Variants in RCAN2 observed in about 807,000 individuals in gnomAD.
RCAN2 encodes the protein calcipressin-2.
A neutral mutation model predicts 23.6 loss-of-function variants in RCAN2; 9 were observed. The ratio of observed to expected loss-of-function variants is 0.38; its 90% confidence interval spans 0.23 to 0.67. The LOEUF (loss-of-function observed/expected upper bound fraction) is 0.67. RCAN2 is among the 30% of genes least tolerant of loss of function. The pLI is 0.51. For missense variants in RCAN2, 273 were observed against 302.3 expected, an observed-to-expected ratio of 0.90 and a Z score of 0.72; for synonymous variants, 109 against 115.7, an observed-to-expected ratio of 0.94 and a Z score of 0.37.
chr6:46,461,393 A>G (rs1768199537), intron 1 of RCAN2, among the ~76,000 whole-genome samples: 1 of 152,120 alleles, frequency 6.6e-6, no homozygotes, highest in Non-Finnish European at 1.5e-5. Flanking sequence ...CCATCACCTT[A>G]TGCATGTGGA....
At chr6:46,367,195 G>C (rs1180393217) in intron 2 of RCAN2, among the ~76,000 whole-genome samples, 1 of 151,284 alleles carries the variant, frequency 6.6e-6, no homozygotes, top group Non-Finnish European at 1.5e-5. Context: ...TTGGCTTAAG[G>C]GTGGCTTAAG....
In RCAN2 at chr6:46,221,915, A is replaced by G. The variant is rs1057101; in HGVS notation, c.*1226T>C. On this transcript the variant is annotated 3_prime_UTR_variant, in exon 5 of 5. Coordinates refer to ENST00000371374, the MANE Select transcript of RCAN2 (RefSeq NM_001251974.2). Reference sequence around the variant, plus strand: ...GAAAAATCACACGTAACAAAAACAAATAACTTTTTTGAGCACACGGGTGTC... The same window carrying G: ...GAAAAATCACACGTAACAAAAACAAGTAACTTTTTTGAGCACACGGGTGTC... 2.5e-6 allele frequency: 1 copy of G among 398,530 alleles called. No homozygotes were observed. Among genetic ancestry groups the G allele is most frequent in the Non-Finnish European group, 4.4e-6 (1 of 225,978 alleles). 24.7% of individuals were successfully genotyped at this position (398,530 alleles called of 1,614,324 possible). A position where few individuals can be genotyped will look rare whatever the true frequency, so the allele number is the denominator to read the frequency against.
chr6:46,287,969 T>C (rs1036545313), intron 2 of RCAN2, among the ~76,000 whole-genome samples: 103 of 152,352 alleles, frequency 6.8e-4, no homozygotes, highest in African/African-American at 2.4e-3. Flanking sequence ...CCGAGGATAT[T>C]AATGTCTATC....
intron 1 of RCAN2, among the ~76,000 whole-genome samples, chr6:46,482,169 C>G (rs1366056897): frequency 6.6e-6 from 1 of 151,872 alleles, no homozygotes; most frequent in African/African-American, 2.4e-5. Context: ...GATAAAGAAC[C>G]AAGGTTAGAT....
chr6:46,471,108 A>T (rs902057483), intron 1 of RCAN2, among the ~76,000 whole-genome samples: 2 of 152,180 alleles, frequency 1.3e-5, no homozygotes, highest in Admixed American at 6.5e-5. Flanking sequence ...AGGAAGAGAG[A>T]GTGTACAAGA....
chr6:46,284,106 T>C (rs9381438), intron 2 of RCAN2, among the ~76,000 whole-genome samples: 16,863 of 152,186 alleles, frequency 0.11, 1,198 homozygotes, highest in East Asian at 0.2. Context: ...TTTTAATAAA[T>C]GAGAAATAGC....
chr6:46,344,808 G>A (rs1764433531), intron 2 of RCAN2, among the ~76,000 whole-genome samples: 1 of 151,498 alleles, frequency 6.6e-6, no homozygotes, highest in Non-Finnish European at 1.5e-5. Flanking sequence ...AGGAATATAG[G>A]CCAGATAGAA....
chr6:46,262,988 G>A (rs973795143), intron 2 of RCAN2, among the ~76,000 whole-genome samples: 2 of 152,194 alleles, frequency 1.3e-5, no homozygotes, highest in African/African-American at 2.4e-5. Flanking sequence ...TCCCATAACA[G>A]TGTTGTTAGT....
chr6:46,418,133 T>C (rs912361377), intron 2 of RCAN2, among the ~76,000 whole-genome samples: 7 of 152,218 alleles, frequency 4.6e-5, no homozygotes, highest in Non-Finnish European at 8.8e-5. Flanking sequence ...GATAATATAG[T>C]AATATAACAT....
intron 2 of RCAN2, among the ~76,000 whole-genome samples, chr6:46,254,270 C>A (rs1766831575): frequency 6.6e-6 from 1 of 152,184 alleles, no homozygotes; most frequent in Non-Finnish European, 1.5e-5. Context: ...TGCTGTACAA[C>A]AGGATCTCAG....
chr6:46,394,406 A>T (rs1250603087), intron 2 of RCAN2, among the ~76,000 whole-genome samples: 2 of 144,694 alleles, frequency 1.4e-5, no homozygotes, highest in African/African-American at 5.5e-5. Flanking sequence ...CACATTTATG[A>T]CTTTAAAGCT....
At chr6:46,228,866 G>A (rs1307628853) in intron 4 of RCAN2, among the ~76,000 whole-genome samples, 12 of 152,150 alleles carry the variant, frequency 7.9e-5, no homozygotes, top group Non-Finnish European at 1.0e-4. Context: ...TCCTAGCATC[G>A]ATGGTCTTTA....
intron 2 of RCAN2, among the ~76,000 whole-genome samples, chr6:46,441,512 A>G (rs1357532353): frequency 6.6e-6 from 1 of 152,206 alleles, no homozygotes; most frequent in Non-Finnish European, 1.5e-5. Flanking sequence ...CATTATACTA[A>G]ATAATTTGGA....
intron 4 of RCAN2, among the ~76,000 whole-genome samples, chr6:46,229,792 T>C (rs1026174027): frequency 1.3e-5 from 2 of 152,238 alleles, no homozygotes; most frequent in African/African-American, 4.8e-5. Context: ...AAAGTCATTC[T>C]CCATCCAGCT....
intron 2 of RCAN2, among the ~76,000 whole-genome samples, chr6:46,425,488 A>G (rs1767005994): frequency 6.6e-6 from 1 of 152,220 alleles, no homozygotes; most frequent in African/African-American, 2.4e-5. Flanking sequence ...AACCCCCAGG[A>G]ATTATCAGAC....
chr6:46,375,176 C>T (rs1765425548), intron 2 of RCAN2, among the ~76,000 whole-genome samples: 1 of 152,216 alleles, frequency 6.6e-6, no homozygotes, highest in African/African-American at 2.4e-5. Context: ...AACTCCTCAC[C>T]TCAAGTGATC....
At chr6:46,377,062 G>T (rs2150391776) in intron 2 of RCAN2, among the ~76,000 whole-genome samples, 1 of 152,266 alleles carries the variant, frequency 6.6e-6, no homozygotes, top group South Asian at 2.1e-4. Context: ...GGAAAAAAAG[G>T]CACTTAAATG....
intron 2 of RCAN2, among the ~76,000 whole-genome samples, chr6:46,314,622 T>A (rs1763375002): frequency 6.6e-6 from 1 of 152,126 alleles, no homozygotes; most frequent in African/African-American, 2.4e-5. Flanking sequence ...GTTGTAAATA[T>A]TACAATTATA....
chr6:46,320,883 GA>G (rs1044395576), intron 2 of RCAN2, among the ~76,000 whole-genome samples: 2 of 152,060 alleles, frequency 1.3e-5, no homozygotes, highest in Non-Finnish European at 2.9e-5. Flanking sequence ...ACAGTTTTCT[GA>G]AAAAGAGTCT....
Sources: allele counts gnomAD v4.1 joint callset (sites outside exome capture counted in the v4.1 genomes callset), GRCh38; gene constraint gnomAD v4.1.1; transcripts MANE v1.5; gene names NCBI Gene and HGNC (gene_info 2026-07-23, HGNC 2026-07-21).